The following CLCNKB variants were observed in gnomAD, a reference collection of about 807,000 sequenced individuals.
The protein encoded by CLCNKB is chloride channel protein ClC-Kb.
A neutral mutation model predicts 83.8 loss-of-function variants in CLCNKB; 74 were observed. The ratio of observed to expected loss-of-function variants is 0.88; its 90% CI spans 0.73 to 1.07. The LOEUF (loss-of-function observed/expected upper bound fraction) is 1.07, where lower values mean the gene tolerates loss of function less well. Among genes scored for constraint, CLCNKB ranks in the 50% least tolerant of loss-of-function variants. The pLI, the probability that CLCNKB is intolerant of heterozygous loss-of-function variation, is 0.00. For synonymous variants in CLCNKB, 358 were observed against 356.6 expected (o/e 1.00, Z -0.04); for missense variants, 798 against 893.6 (o/e 0.89, Z 1.36).
At chr1:16,053,036 C>CTT (rs60518578) in intron 15 of CLCNKB, among the ~76,000 whole-genome samples, 17 of 148,074 alleles carry the variant, frequency 1.1e-4, no homozygotes, top group South Asian at 2.1e-4. Context: ...GAGGCATATA[C>CTT]TTTTTTTTTT....
chr1:16,044,375 A>ACACACACACACACG lies in CLCNKB; in HGVS notation c.-7-108_-7-107insACACACACACGCAC, dbSNP rs1477671795. ...TTCACATACACACACACACACACAC[A>ACACACACACACACG]CACGCACAATCTTTCCTCTTCATGG... On this transcript the variant is annotated intron_variant, in intron 1 of 19. Transcript: ENST00000375679. 7.4e-6 allele frequency: 6 copies of ACACACACACACACG among 812,908 alleles called. No homozygotes were observed. The East Asian group carries it at 8.1e-5, about 11-fold the overall frequency. 50.4% of individuals were successfully genotyped at this position (812,908 alleles called of 1,614,324 possible). A position where few individuals can be genotyped will look rare whatever the true frequency, so the allele number is the denominator to read the frequency against.
Position 16,049,259 on chromosome 1 carries a change from G to A in CLCNKB, c.781+14G>A, listed in dbSNP as rs751604007. The A allele has an allele frequency of 3.1e-6, 5 of 1,613,046 alleles. No homozygotes were observed. In the Admixed American group the frequency reaches 8.3e-5, roughly 27 times the overall value. On this transcript the variant is annotated intron_variant, in intron 8 of 19. Coordinates refer to ENST00000375679, the MANE Select transcript of CLCNKB (RefSeq NM_000085.5). ...ACAGCGAGCAGGGTGAGCCCCCTGGGCTGCCTGACCCTGGCCCTGCCTGGG... is the reference window on the plus strand; with the variant it reads ...ACAGCGAGCAGGGTGAGCCCCCTGGACTGCCTGACCCTGGCCCTGCCTGGG...
Position 16,047,991 on chromosome 1 carries a change from G to A in CLCNKB, c.445G>A (p.Val149Met), listed in dbSNP as rs2023149701. The change falls in exon 5 of 20, where the codon GTG (valine) becomes ATG (methionine). Residue 149 changes from valine (V) to methionine (M), a missense_variant. By Grantham distance (21) the Val-to-Met change is conservative (BLOSUM62 1). Coordinates refer to ENST00000375679, the MANE Select transcript of CLCNKB (RefSeq NM_000085.5). ...LDIKNFGAKV[V>M]GLSCTLACGS... ...TATCAAGAACTTTGGGGCCAAAGTG[G>A]TGGGCCTCTCCTGCACCCTGGCCTG... The A allele has an allele frequency of 6.2e-7, 1 of 1,614,126 alleles. No homozygotes were observed. The highest frequency in any genetic ancestry group is 1.1e-5 in the South Asian group (1 of 91,078).
At chr1:16,050,847 T>G in intron 11 of CLCNKB, 28 bp from the exon 12 acceptor site, 1 of 1,610,928 alleles carries the variant, frequency 6.2e-7, no homozygotes, top group Non-Finnish European at 8.5e-7. Flanking sequence ...GGGCCCCTCA[T>G]GTCCAGTTCC....
chr1:16,049,970 A>G, intron 10 of CLCNKB, 54 bp downstream of exon 10: 2 of 1,440,148 alleles, frequency 1.4e-6, no homozygotes, highest in South Asian at 2.3e-5. Context: ...CCCTCACCGT[A>G]CTCCCAACCT....
intron 18 of CLCNKB, among the ~76,000 whole-genome samples, 162 bp from the exon 19 acceptor site, chr1:16,056,260 G>T (rs2023435404): frequency 6.6e-6 from 1 of 152,050 alleles, no homozygotes; most frequent in Non-Finnish European, 1.5e-5. Flanking sequence ...ATGGACTCTG[G>T]CATCCCCCAG....
At chr1:16,047,244 A>G (rs2023128858) in intron 4 of CLCNKB, among the ~76,000 whole-genome samples, 2 of 151,898 alleles carry the variant, frequency 1.3e-5, no homozygotes, top group Non-Finnish European at 2.9e-5. Flanking sequence ...AGAGTTTGAG[A>G]CCAGCCTGGG....
Position 16,050,959 on chromosome 1 carries a change from G to A in CLCNKB, c.1138G>A (p.Glu380Lys), listed in dbSNP as rs775949416. 10 of 1,613,704 alleles carry A rather than the reference G, an allele frequency of 6.2e-6. No homozygotes were observed. In the South Asian group the frequency reaches 7.7e-5, roughly 12 times the overall value. Residue 380 changes from glutamate (E) to lysine (K), a missense_variant, in exon 12 of 20, where the codon GAG becomes AAG. Physicochemically the swap from Glu to Lys is moderately conservative, Grantham distance 56. Transcript: ENST00000375679. ...CCAGAACTCCAGCCCACCCTGGCCCGAGGAGCTCGACCCCCAGCACCTGTG... is the reference window on the plus strand; with the variant it reads ...CCAGAACTCCAGCCCACCCTGGCCCAAGGAGCTCGACCCCCAGCACCTGTG... ...MTQNSSPPWP[E>K]ELDPQHLWWE...
intron 3 of CLCNKB, 98 bp downstream of exon 3, chr1:16,045,784 G>A (rs1298508471): frequency 1.6e-6 from 2 of 1,214,658 alleles, no homozygotes; most frequent in South Asian, 1.3e-5. Flanking sequence ...GAGGTTGGGG[G>A]GGGTGCTCTG....
chr1:16,044,351 T>A (rs1570325982), intron 1 of CLCNKB, 135 bp from the exon 2 acceptor site: 1 of 144,702 alleles, frequency 6.9e-6, no homozygotes, highest in Non-Finnish European at 1.4e-5. Context: ...TGTGATAACT[T>A]CACATACACA....
rs978675481 is a variant in CLCNKB at position 16,053,760 on chromosome 1, G to T, written c.1744G>T (p.Val582Leu). The T allele has an allele frequency of 8.7e-6, 14 of 1,613,716 alleles. No individual in the cohort carries two copies. Among genetic ancestry groups the T allele is most frequent in the Non-Finnish European group, 1.1e-5 (13 of 1,179,974 alleles). The change falls in exon 16 of 20, where the codon GTG (valine) becomes TTG (leucine). Residue 582 changes from valine to leucine, a missense_variant. Transcript: ENST00000375679. Reference protein sequence around the residue: ...TSTDVAKYPLVESTESQILVG... With the variant: ...TSTDVAKYPLLESTESQILVG... ...CACAGACGTGGCCAAGTATCCCCTG[G>T]TGGAGAGCACAGGTGCCCAGCCGGA...
At chr1:16,055,120 G>A (rs1351438841) in intron 16 of CLCNKB, among the ~76,000 whole-genome samples, 3 of 152,032 alleles carry the variant, frequency 2.0e-5, no homozygotes, top group Admixed American at 6.6e-5. Flanking sequence ...AGACTTCATC[G>A]TGCTGGCGTC....
At chr1:16,047,863 C>T (rs745833381) in intron 4 of CLCNKB, 42 bp from the exon 5 acceptor site, 10 of 1,607,912 alleles carry the variant, frequency 6.2e-6, no homozygotes, top group South Asian at 5.5e-5. Flanking sequence ...GATTTTTAAC[C>T]TAGAGATTGT....
intron 12 of CLCNKB, 90 bp downstream of exon 12, chr1:16,051,138 C>G: frequency 6.3e-7 from 1 of 1,582,370 alleles, no homozygotes; most frequent in South Asian, 1.1e-5. Flanking sequence ...GGCATGGAGC[C>G]CAGGCCTTCC....
intron 15 of CLCNKB, 130 bp downstream of exon 15, chr1:16,052,541 C>T (rs1183438851): frequency 4.0e-6 from 5 of 1,253,264 alleles, no homozygotes; most frequent in South Asian, 1.3e-5. Context: ...CACAGCTGTG[C>T]TCTGTTCTCC....
At position 16,049,543 on chromosome 1, in the gene CLCNKB, G is replaced by C. The variant is rs13306248; in HGVS notation, c.782-75G>C. ...CAGGACCTGGCACCCCCTCCACCCT[G>C]GGCTGTTAGTCTGGGACTTGAGTTT... On this transcript the variant is annotated intron_variant, in intron 8 of 19. Coordinates refer to ENST00000375679, the MANE Select transcript of CLCNKB (RefSeq NM_000085.5). The C allele has an allele frequency of 0.095, 122,240 of 1,280,494 alleles. 6,841 individuals are homozygous for C. Among genetic ancestry groups the C allele is most frequent in the African/African-American group, 0.16 (11,231 of 68,318 alleles). 79.3% of individuals were successfully genotyped at this position (1,280,494 alleles called of 1,614,324 possible).
At chr1:16,048,943 G>C in intron 7 of CLCNKB, 177 bp from the exon 8 acceptor site, 1 of 1,487,746 alleles carries the variant, frequency 6.7e-7, no homozygotes. Context: ...CGGGTCTCTG[G>C]GCAGCGGGCT....
chr1:16,052,446 G>T (rs768999945), intron 15 of CLCNKB, 35 bp downstream of exon 15: 2 of 1,600,856 alleles, frequency 1.2e-6, no homozygotes, highest in African/African-American at 1.4e-5. Context: ...ACTGAAGGGG[G>T]TCACAGTGTT....
chr1:16,048,698 A>G, intron 7 of CLCNKB, 116 bp downstream of exon 7: 1 of 1,527,296 alleles, frequency 6.5e-7, no homozygotes, highest in South Asian at 1.2e-5. Context: ...TCTAGTTCTC[A>G]CTTCAGCCCC....
Sources: gnomAD v4.1 joint callset for allele counts (sites outside exome capture counted in the v4.1 genomes callset) on GRCh38, gnomAD v4.1.1 for gene constraint, MANE v1.5 for transcripts, NCBI Gene and HGNC (gene_info 2026-07-23, HGNC 2026-07-21) for gene names.